Variants in CAST observed in about 807,000 individuals in gnomAD.
CAST encodes MIR583 host.
CAST carries 76 observed loss-of-function variants against 119.6 expected under a neutral mutation model. The ratio of observed to expected loss-of-function variants is 0.64; its 90% CI spans 0.53 to 0.77. The LOEUF (loss-of-function observed/expected upper bound fraction) is 0.77. CAST is among the 30% of genes least tolerant of loss of function. The probability of loss-of-function intolerance (pLI) is 0.00; values close to 1 mark genes in which losing one functional copy is unlikely to be tolerated. For missense variants in CAST, 953 were observed against 946.5 expected, an observed-to-expected ratio of 1.01 and a Z score of -0.09; for synonymous variants, 319 against 331.6, an observed-to-expected ratio of 0.96 and a Z score of 0.41.
At chr5:96,304,882 A>T in the CAST span, among the ~76,000 whole-genome samples, 2 of 152,080 alleles carry the variant, frequency 1.3e-5, no homozygotes, top group Non-Finnish European at 2.9e-5. Context: ...GTCAGGTAGT[A>T]TGATGCCTCC....
At chr5:96,646,913 G>A (rs1172033769) in intron 1 of CAST, among the ~76,000 whole-genome samples, 1 of 152,198 alleles carries the variant, frequency 6.6e-6, no homozygotes, top group Non-Finnish European at 1.5e-5. Flanking sequence ...CCAAACGATA[G>A]GAGGTGAAGG....
chr5:96,640,643 G>A (rs1282728480), intron 1 of CAST, among the ~76,000 whole-genome samples: 1 of 152,212 alleles, frequency 6.6e-6, no homozygotes, highest in Non-Finnish European at 1.5e-5. Flanking sequence ...GCTGAGCTGG[G>A]ATGCAGATCT....
At chr5:96,084,237 A>G in the CAST span, among the ~76,000 whole-genome samples, 3 of 152,152 alleles carry the variant, frequency 2.0e-5, no homozygotes, top group East Asian at 5.8e-4. Context: ...GTTACAAGAG[A>G]AAAAGGAAGG....
the CAST span, among the ~76,000 whole-genome samples, chr5:96,240,756 T>TC: frequency 1.4e-5 from 2 of 141,368 alleles, no homozygotes; most frequent in East Asian, 2.1e-4. Context: ...TTTTTTTTTT[T>TC]CTGATGCAGT....
At chr5:96,354,678 A>G in the CAST span, among the ~76,000 whole-genome samples, 5 of 149,286 alleles carry the variant, frequency 3.3e-5, no homozygotes, top group East Asian at 9.7e-4. Context: ...AGTATATATT[A>G]TGTATATTAT....
chr5:96,602,095 C>A (rs889784251), intron 1 of CAST, among the ~76,000 whole-genome samples: 3 of 152,140 alleles, frequency 2.0e-5, no homozygotes, highest in Non-Finnish European at 4.4e-5. Flanking sequence ...CTGCCTGTCA[C>A]AATAGAGTAG....
At chr5:96,110,968 CT>C in the CAST span, 1 of 152,222 alleles carries the variant, frequency 6.6e-6, no homozygotes, top group Admixed American at 6.5e-5. Context: ...CAGAGACCAA[CT>C]GGGGATCAAC....
intron 3 of CAST, among the ~76,000 whole-genome samples, chr5:96,697,280 A>G (rs527906829): frequency 3.3e-5 from 5 of 152,212 alleles, no homozygotes; most frequent in African/African-American, 1.2e-4. Flanking sequence ...CTATACAACT[A>G]TTTAACGTAA....
chr5:96,561,796 G>GTTTTTTTGTTTTTTTGTTTT (rs1267067922), intron 1 of CAST, among the ~76,000 whole-genome samples: 6 of 97,420 alleles, frequency 6.2e-5, no homozygotes, highest in Admixed American at 2.7e-4. Flanking sequence ...GTTTTTTTTT[G>GTTTTTTTGTTTTTTTGTTTT]TTTTTTTTTT....
chr5:96,432,752 C>T, the CAST span: 1 of 832,444 alleles, frequency 1.2e-6, no homozygotes, highest in Non-Finnish European at 2.0e-6. Flanking sequence ...TTGCTCTTTG[C>T]TACTCTGGGC....
chr5:96,392,886 A>C, the CAST span: 2 of 1,073,714 alleles, frequency 1.9e-6, no homozygotes, highest in South Asian at 1.3e-5. Context: ...AAAAGGTGCC[A>C]CAAAGGATAT....
intron 16 of CAST, among the ~76,000 whole-genome samples, 169 bp from the exon 17 acceptor site, chr5:96,746,173 C>T (rs184681290): frequency 9.2e-4 from 140 of 152,338 alleles, no homozygotes; most frequent in Middle Eastern, 6.8e-3. Flanking sequence ...TGCTCCCTTT[C>T]TCACAGCTGC....
chr5:96,727,149 C>G (rs1200342160), intron 5 of CAST, among the ~76,000 whole-genome samples: 1 of 152,156 alleles, frequency 6.6e-6, no homozygotes, highest in Admixed American at 6.5e-5. Flanking sequence ...AACACAGTGC[C>G]CTTGGCTTTG....
chr5:96,741,482 T>A lies in CAST; in HGVS notation c.1012-12T>A, dbSNP rs757144631. ...CATCTGTAAGTCTAATCTTTTGTATTTTGTTTTTCAGGAATCTACAGAAGT... is the reference window on the plus strand; with the variant it reads ...CATCTGTAAGTCTAATCTTTTGTATATTGTTTTTCAGGAATCTACAGAAGT... On this transcript the variant is annotated splice_polypyrimidine_tract_variant and intron_variant, in intron 14 of 31. Transcript: ENST00000675179. 39 of 1,601,912 alleles carry A rather than the reference T, an allele frequency of 2.4e-5. No homozygotes were observed. Among genetic ancestry groups the A allele is most frequent in the Non-Finnish European group, 3.2e-5 (38 of 1,169,438 alleles).
the CAST span, among the ~76,000 whole-genome samples, chr5:96,490,412 A>C: frequency 6.6e-6 from 1 of 152,204 alleles, no homozygotes; most frequent in East Asian, 1.9e-4. Context: ...ATAGTAATCC[A>C]AAATGCATGT....
intron 1 of CAST, among the ~76,000 whole-genome samples, chr5:96,536,084 G>T (rs1745808549): frequency 7.1e-6 from 1 of 140,178 alleles, no homozygotes; most frequent in Non-Finnish European, 1.5e-5. Context: ...AGGGCTGGGT[G>T]CAGTGGCTCA....
the CAST span, among the ~76,000 whole-genome samples, chr5:95,978,796 T>TA: frequency 1.3e-5 from 2 of 152,006 alleles, no homozygotes; most frequent in African/African-American, 2.4e-5. Context: ...TAATATTTTT[T>TA]AAAAAAAACC....
intron 9 of CAST, 45 bp downstream of exon 9, chr5:96,730,905 CAA>C: frequency 7.1e-7 from 1 of 1,410,886 alleles, no homozygotes; most frequent in Non-Finnish European, 1.0e-6. Flanking sequence ...CTGTGCTTCT[CAA>C]GTTTCTTTTA....
the CAST span, among the ~76,000 whole-genome samples, chr5:96,320,437 C>T: frequency 6.6e-6 from 1 of 151,906 alleles, no homozygotes; most frequent in Admixed American, 6.5e-5. Context: ...GGGGTTTCAC[C>T]ATGTTGGCCA....
Sources: gnomAD v4.1 joint callset for allele counts (sites outside exome capture counted in the v4.1 genomes callset) on GRCh38, gnomAD v4.1.1 for gene constraint, MANE v1.5 for transcripts, NCBI Gene and HGNC (gene_info 2026-07-23, HGNC 2026-07-21) for gene names.